LDB2: variants seen among roughly 807,000 people sequenced by gnomAD.
LDB2 encodes the protein LIM domain-binding protein 2.
In LDB2, 12 loss-of-function variants were observed where a neutral mutation model predicts 44.3. That is an observed-to-expected ratio of 0.27 (90% CI 0.17 to 0.44). LDB2 has a LOEUF of 0.44. Among genes scored for constraint, LDB2 ranks in the 20% least tolerant of loss-of-function variants. The probability of loss-of-function intolerance (pLI) is 1.00; values close to 1 mark genes in which losing one functional copy is unlikely to be tolerated. For synonymous variants in LDB2, 164 were observed against 174.8 expected, an observed-to-expected ratio of 0.94 and a Z score of 0.49; for missense variants, 344 against 473.5, an observed-to-expected ratio of 0.73 and a Z score of 2.54.
chr4:16,558,915 T>C (rs2152372977), intron 5 of LDB2, among the ~76,000 whole-genome samples: 1 of 152,264 alleles, frequency 6.6e-6, no homozygotes, highest in Non-Finnish European at 1.5e-5. Flanking sequence ...TCAACATTCT[T>C]AAAGAAAAGA....
intron 3 of LDB2, among the ~76,000 whole-genome samples, chr4:16,591,439 C>T (rs1477836525): frequency 6.6e-6 from 1 of 152,152 alleles, no homozygotes; most frequent in Non-Finnish European, 1.5e-5. Flanking sequence ...TCAGTCAAAA[C>T]CAAGGGTTTA....
intron 2 of LDB2, among the ~76,000 whole-genome samples, chr4:16,702,544 C>T (rs917706904): frequency 6.6e-6 from 1 of 152,214 alleles, no homozygotes; most frequent in Admixed American, 6.5e-5. Context: ...GTGAAAGAAG[C>T]TGCTTCTGTG....
intron 1 of LDB2, among the ~76,000 whole-genome samples, chr4:16,852,545 C>T (rs1449654126): frequency 2.0e-5 from 3 of 152,082 alleles, no homozygotes; most frequent in African/African-American, 7.2e-5. Context: ...TTACATATTC[C>T]ATTGGTATGA....
At chr4:16,854,263 TTAAA>T (rs140832983) in intron 1 of LDB2, among the ~76,000 whole-genome samples, 4,221 of 152,154 alleles carry the variant, frequency 0.028, 170 homozygotes, top group African/African-American at 0.09. Context: ...ATTGTATACC[TTAAA>T]TATACACAAT....
At chr4:16,657,072 C>G (rs1740077208) in intron 2 of LDB2, among the ~76,000 whole-genome samples, 1 of 152,080 alleles carries the variant, frequency 6.6e-6, no homozygotes, top group East Asian at 1.9e-4. Flanking sequence ...AAGAACACAA[C>G]AAAGCTGTTT....
intron 1 of LDB2, among the ~76,000 whole-genome samples, chr4:16,786,502 T>C (rs577221): frequency 0.77 from 117,726 of 152,042 alleles, 47,990 homozygotes; most frequent in Middle Eastern, 0.93. Context: ...TCTTGTGTAC[T>C]GAGAAACTGG....
intron 7 of LDB2, 51 bp from the exon 8 acceptor site, chr4:16,502,924 T>G: frequency 6.2e-7 from 1 of 1,607,700 alleles, no homozygotes; most frequent in Non-Finnish European, 8.5e-7. Flanking sequence ...AGAGAGAAGC[T>G]CAGCTTAAAA....
intron 1 of LDB2, among the ~76,000 whole-genome samples, chr4:16,823,160 C>T (rs895643657): frequency 6.6e-6 from 1 of 152,178 alleles, no homozygotes; most frequent in Non-Finnish European, 1.5e-5. Flanking sequence ...GTACTGTCAC[C>T]ATAGAATTTG....
At chr4:16,762,122 T>G (rs1416978162) in intron 1 of LDB2, among the ~76,000 whole-genome samples, 1 of 152,018 alleles carries the variant, frequency 6.6e-6, no homozygotes, top group Non-Finnish European at 1.5e-5. Context: ...CTTGAACCTG[T>G]GAGGCAGAGG....
chr4:16,745,119 A>G (rs116560967), intron 2 of LDB2, among the ~76,000 whole-genome samples: 5,767 of 152,292 alleles, frequency 0.038, 352 homozygotes, highest in African/African-American at 0.13. Flanking sequence ...TCTGACTCAC[A>G]AGCCTGGGCT....
At chr4:16,565,680 A>C (rs1300572000) in intron 5 of LDB2, among the ~76,000 whole-genome samples, 2 of 152,042 alleles carry the variant, frequency 1.3e-5, no homozygotes, top group Non-Finnish European at 2.9e-5. Context: ...AAAAATTTTA[A>C]AAGACTTAGT....
chr4:16,855,583 G>T (rs950252801), intron 1 of LDB2, among the ~76,000 whole-genome samples: 1 of 152,028 alleles, frequency 6.6e-6, no homozygotes, highest in Non-Finnish European at 1.5e-5. Flanking sequence ...TGAACAAAGT[G>T]AGCCAATCAC....
intron 5 of LDB2, among the ~76,000 whole-genome samples, chr4:16,531,005 T>G (rs1274294203): frequency 6.6e-6 from 1 of 152,226 alleles, no homozygotes; most frequent in Non-Finnish European, 1.5e-5. Flanking sequence ...GAGACCATCA[T>G]TGGTGTTTTC....
intron 2 of LDB2, among the ~76,000 whole-genome samples, chr4:16,621,796 C>A (rs978481668): frequency 1.3e-5 from 2 of 152,110 alleles, no homozygotes; most frequent in Non-Finnish European, 2.9e-5. Flanking sequence ...AGGCCTCAAG[C>A]AATCTTTCCA....
At chr4:16,604,543 G>T (rs1181632190) in intron 2 of LDB2, among the ~76,000 whole-genome samples, 1 of 149,002 alleles carries the variant, frequency 6.7e-6, no homozygotes, top group Admixed American at 6.7e-5. Flanking sequence ...ATATATATAT[G>T]TATAACAGAA....
chr4:16,759,603 CTT>C (rs1767445726), intron 1 of LDB2, among the ~76,000 whole-genome samples: 2 of 151,906 alleles, frequency 1.3e-5, no homozygotes, highest in Admixed American at 1.3e-4. Context: ...TTTTTTTTCT[CTT>C]TCTCTCTCTC....
intron 1 of LDB2, among the ~76,000 whole-genome samples, chr4:16,836,522 G>A (rs893691120): frequency 1.3e-5 from 2 of 152,146 alleles, no homozygotes; most frequent in African/African-American, 4.8e-5. Flanking sequence ...CCTAACTGTT[G>A]CTATTTTCTA....
At chr4:16,535,645 A>G (rs1360309848) in intron 5 of LDB2, among the ~76,000 whole-genome samples, 3 of 152,218 alleles carry the variant, frequency 2.0e-5, no homozygotes, top group Non-Finnish European at 4.4e-5. Context: ...AAAACATATC[A>G]GAACTGGGAC....
chr4:16,816,767 CT>C (rs1366245117), intron 1 of LDB2, among the ~76,000 whole-genome samples: 9 of 152,000 alleles, frequency 5.9e-5, no homozygotes, highest in Admixed American at 5.9e-4. Flanking sequence ...CTTTTTTGTC[CT>C]TCACAACAAG....
Sources: allele counts gnomAD v4.1 joint callset (sites outside exome capture counted in the v4.1 genomes callset), GRCh38; gene constraint gnomAD v4.1.1; transcripts MANE v1.5; gene names NCBI Gene and HGNC (gene_info 2026-07-23, HGNC 2026-07-21).